The following PANK1 variants were observed in gnomAD, a reference collection of about 807,000 sequenced individuals.
PANK1 encodes pantothenic acid kinase 1.
A neutral mutation model predicts 40.1 loss-of-function variants in PANK1; 18 were observed. That is an observed-to-expected ratio of 0.45 (90% CI 0.31 to 0.67). The LOEUF (loss-of-function observed/expected upper bound fraction) is 0.67, where lower values mean the gene tolerates loss of function less well. Among genes scored for constraint, PANK1 ranks in the 30% least tolerant of loss-of-function variants. The pLI is 0.06. For missense variants in PANK1, 457 were observed against 599.6 expected, an observed-to-expected ratio of 0.76 and a Z score of 2.48; for synonymous variants, 242 against 237.7, an observed-to-expected ratio of 1.02 and a Z score of -0.17.
chr10:89,595,575 T>C (rs1844536520), intron 3 of PANK1, among the ~76,000 whole-genome samples: 1 of 151,538 alleles, frequency 6.6e-6, no homozygotes, highest in Non-Finnish European at 1.5e-5. Flanking sequence ...ATCCCAGCAC[T>C]TTTGCAGGCC....
chr10:89,580,691 T>C (rs1844035549), downstream of PANK1: 1 of 152,274 alleles, frequency 6.6e-6, no homozygotes, highest in African/African-American at 2.4e-5. Flanking sequence ...TAGAGGCCAC[T>C]ACCCTCACAG....
chr10:89,613,124 C>T (rs1427152785), intron 1 of PANK1, among the ~76,000 whole-genome samples: 2 of 152,190 alleles, frequency 1.3e-5, no homozygotes, highest in African/African-American at 4.8e-5. Flanking sequence ...TATTTAGAGA[C>T]AGCCTGGAAA....
At chr10:89,601,569 C>T (rs184311761) in intron 2 of PANK1, among the ~76,000 whole-genome samples, 136 of 152,260 alleles carry the variant, frequency 8.9e-4, no homozygotes, top group Middle Eastern at 3.4e-3. Flanking sequence ...TTTGACTTCA[C>T]ATTACTCATT....
rs115425926 is a variant in PANK1, at chr10:89,621,023, C to T, written c.293-8975G>A. Among the ~76,000 whole-genome samples the T allele has an allele frequency of 4.6e-3, 695 of 152,272 alleles. 7 individuals carry two copies. Among genetic ancestry groups the T allele is most frequent in the Middle Eastern group, 0.024 (7 of 294 alleles). On this transcript the variant is annotated intron_variant, in intron 1 of 6. Transcript: ENST00000307534. ...GTTTTAAAAAATTCCTTGTTAAGGC[C>T]GGGTGCGGTGGTTCACGCCTGTAAT...
chr10:89,585,742 G>C (rs565732995), intron 6 of PANK1, among the ~76,000 whole-genome samples: 9 of 152,324 alleles, frequency 5.9e-5, no homozygotes, highest in African/African-American at 2.2e-4. Context: ...GAGATGTTCA[G>C]TAACATTAGT....
intron 1 of PANK1, 141 bp downstream of exon 1, chr10:89,644,459 G>C (rs1842053464): frequency 1.2e-5 from 8 of 674,528 alleles, no homozygotes; most frequent in Non-Finnish European, 1.4e-5. Context: ...TCAGTCCCGG[G>C]AACCTACTCT....
intron 1 of PANK1, among the ~76,000 whole-genome samples, chr10:89,628,923 T>C (rs1841551633): frequency 6.6e-6 from 1 of 152,218 alleles, no homozygotes; most frequent in Non-Finnish European, 1.5e-5. Context: ...ATGGTTTGAA[T>C]CTTCTTTTGT....
intron 6 of PANK1, among the ~76,000 whole-genome samples, chr10:89,587,894 C>T (rs1305294776): frequency 1.3e-5 from 2 of 152,042 alleles, no homozygotes; most frequent in Non-Finnish European, 2.9e-5. Context: ...TTAAAGCAAG[C>T]TAATTAACAT....
rs1296497913 is a variant in PANK1, at chr10:89,645,023, G to A, written c.-132C>T. 4 of 1,566,568 alleles carry A rather than the reference G, an allele frequency of 2.6e-6. No individual in the cohort carries two copies. Among genetic ancestry groups the A allele is most frequent in the Non-Finnish European group, 2.6e-6 (3 of 1,160,392 alleles). ...AGCAGCCGCAGAGCCGGCGCCTGGG[G>A]ATGGCGAACCCGGCGCTCCTCCCCT... On this transcript the variant is annotated 5_prime_UTR_variant, in exon 1 of 7. Transcript: ENST00000307534.
chr10:89,588,841 A>G (rs892733890), intron 5 of PANK1, 64 bp from the exon 6 acceptor site: 3 of 1,230,992 alleles, frequency 2.4e-6, no homozygotes, highest in Non-Finnish European at 2.3e-6. Context: ...GCAAAGACCC[A>G]ATGTTCTGTA....
intron 3 of PANK1, among the ~76,000 whole-genome samples, chr10:89,598,316 G>A (rs1243393854): frequency 1.3e-5 from 2 of 152,182 alleles, no homozygotes; most frequent in South Asian, 2.1e-4. Context: ...GAAAAAGTCT[G>A]TAGAAGCGAT....
At chr10:89,604,177 T>C (rs1275266051) in intron 2 of PANK1, among the ~76,000 whole-genome samples, 3 of 152,244 alleles carry the variant, frequency 2.0e-5, no homozygotes, top group African/African-American at 7.2e-5. Flanking sequence ...ACTGTTGTTA[T>C]ATCCTATTTG....
chr10:89,611,584 C>A (rs1227957451), intron 2 of PANK1, 112 bp downstream of exon 2: 3 of 736,086 alleles, frequency 4.1e-6, no homozygotes, highest in Non-Finnish European at 6.7e-6. Flanking sequence ...AGAGCGGTGA[C>A]ATAAGCTTGT....
chr10:89,644,861 A>G lies in PANK1; in HGVS notation c.31T>C (p.Ser11Pro). The G allele has an allele frequency of 1.4e-6, 2 of 1,478,410 alleles. No individual in the cohort carries two copies. Among genetic ancestry groups the G allele is most frequent in the Non-Finnish European group, 1.8e-6 (2 of 1,120,836 alleles). The allele number at this position is 1,478,410 out of a possible 1,614,324, so 91.6% of individuals were successfully genotyped here. A position where few individuals can be genotyped will look rare whatever the true frequency, so the allele number is the denominator to read the frequency against. Residue 11 changes from serine to proline, a missense_variant, in exon 1 of 7, where the codon TCG becomes CCG. Coordinates refer to ENST00000307534, the MANE Select transcript of PANK1 (RefSeq NM_148977.3). MGDRSGQQER[S>P]VPHSPGAPVG... ...GGGGCCCCTGGAGAGTGCGGGACCG[A>G]GCGCTCCTGCTGCCCGCTGCGGTCG...
Position 89,644,976 on chromosome 10 carries a change from T to G in PANK1, c.-85A>C. On this transcript the variant is annotated 5_prime_UTR_variant, in exon 1 of 7. Coordinates refer to ENST00000307534, the MANE Select transcript of PANK1 (RefSeq NM_148977.3). ...TCTCCGGCGTCTTTATTTCCCCGGA[T>G]CCTCCCTGCGGCTTCCGATTCAGCA... is the stretch of plus-strand genomic sequence containing the variant. 1.3e-6 allele frequency: 2 copies of G among 1,576,202 alleles called. No individual in the cohort carries two copies. The highest frequency in any genetic ancestry group is 1.7e-6 in the Non-Finnish European group (2 of 1,164,416).
In PANK1 at chr10:89,593,879, A is replaced by G; in HGVS notation, c.1010T>C (p.Leu337Pro). The change falls in exon 4 of 7, where the codon CTG (leucine) becomes CCG (proline). Residue 337 changes from leucine (L) to proline (P), a missense_variant. Transcript: ENST00000307534. ...AKGDSTNVDKLVKDIYGGDYE... is the reference protein window; with the variant it reads ...AKGDSTNVDKPVKDIYGGDYE... ...GTCTCCTCCGTAAATGTCCTTCACC[A>G]GTTTATCAACATTGGTGCTGTCGCC... 6.2e-7 allele frequency: 1 copy of G among 1,613,974 alleles called. No individual in the cohort carries two copies. The highest frequency in any genetic ancestry group is 8.5e-7 in the Non-Finnish European group (1 of 1,179,792).
intron 1 of PANK1, among the ~76,000 whole-genome samples, chr10:89,635,001 A>G (rs995093949): frequency 2.6e-5 from 4 of 152,184 alleles, no homozygotes; most frequent in African/African-American, 9.7e-5. Context: ...CCAATCTCCG[A>G]AAGATTCCCA....
At chr10:89,637,003 AGGC>A (rs1841839196) in intron 1 of PANK1, among the ~76,000 whole-genome samples, 1 of 150,608 alleles carries the variant, frequency 6.6e-6, no homozygotes, top group Non-Finnish European at 1.5e-5. Flanking sequence ...CTGGGACTAC[AGGC>A]GCCCGCCACC....
At chr10:89,635,622 G>A (rs1426147858) in intron 1 of PANK1, among the ~76,000 whole-genome samples, 1 of 152,142 alleles carries the variant, frequency 6.6e-6, no homozygotes, top group Non-Finnish European at 1.5e-5. Context: ...TTCATGTCAT[G>A]CAATAGCCCC....
Sources: gnomAD v4.1 joint callset for allele counts (sites outside exome capture counted in the v4.1 genomes callset) on GRCh38, gnomAD v4.1.1 for gene constraint, MANE v1.5 for transcripts, NCBI Gene and HGNC (gene_info 2026-07-23, HGNC 2026-07-21) for gene names.